HHAT: variants seen among roughly 807,000 people sequenced by gnomAD.
HHAT encodes hedgehog acyltransferase.
Under a neutral mutation model 70.8 loss-of-function variants are expected in HHAT, and 47 were observed. The observed-to-expected ratio is 0.66, with a 90% confidence interval of 0.53 to 0.85. The LOEUF is 0.85. Ranked by LOEUF, HHAT falls within the 40% of genes least tolerant of loss-of-function variation. The pLI is 0.00. For synonymous variants in HHAT, 228 were observed against 247.6 expected, an observed-to-expected ratio of 0.92 and a Z score of 0.74; for missense variants, 609 against 604.8, an observed-to-expected ratio of 1.01 and a Z score of -0.07.
At chr1:210,643,746 A>G (rs928626593) in intron 11 of HHAT, among the ~76,000 whole-genome samples, 2 of 152,092 alleles carry the variant, frequency 1.3e-5, no homozygotes, top group African/African-American at 2.4e-5. Context: ...GTTGGAAGAG[A>G]AAAAGGAACA....
intron 8 of HHAT, among the ~76,000 whole-genome samples, chr1:210,475,813 A>C (rs1043068565): frequency 5.3e-5 from 8 of 152,236 alleles, no homozygotes; most frequent in African/African-American, 1.9e-4. Context: ...GTGAGCAGCC[A>C]GACAACCACT....
At chr1:210,453,421 C>T (rs778016370) in intron 7 of HHAT, among the ~76,000 whole-genome samples, 1 of 152,174 alleles carries the variant, frequency 6.6e-6, no homozygotes, top group Non-Finnish European at 1.5e-5. Flanking sequence ...TGCATGCTTG[C>T]AGAATGGAAG....
chr1:210,526,367 G>GTTTTGTTTTGTTTTGTTTTGTTTTGTTT, intron 9 of HHAT, among the ~76,000 whole-genome samples: 1 of 142,336 alleles, frequency 7.0e-6, no homozygotes, highest in Non-Finnish European at 1.5e-5. Context: ...AGTGGGTTCT[G>GTTTTGTTTTGTTTTGTTTTGTTTTGTTT]TTTTTTTTTT....
intron 11 of HHAT, among the ~76,000 whole-genome samples, chr1:210,664,206 T>C (rs1019675170): frequency 6.6e-6 from 1 of 152,220 alleles, no homozygotes. Context: ...CATAGGCTTA[T>C]TAAGATTAAA....
At chr1:210,515,408 A>G (rs1488746975) in intron 9 of HHAT, among the ~76,000 whole-genome samples, 4 of 152,298 alleles carry the variant, frequency 2.6e-5, no homozygotes, top group Admixed American at 2.0e-4. Flanking sequence ...TCCATCTCAC[A>G]GTAATCCCAG....
chr1:210,615,999 A>G (rs917557218), intron 10 of HHAT, among the ~76,000 whole-genome samples: 3 of 152,174 alleles, frequency 2.0e-5, no homozygotes, highest in African/African-American at 7.2e-5. Context: ...ATCTTCTGCT[A>G]TACTCACGCT....
intron 10 of HHAT, among the ~76,000 whole-genome samples, chr1:210,615,146 A>G (rs1222628605): frequency 6.6e-6 from 1 of 152,034 alleles, no homozygotes; most frequent in African/African-American, 2.4e-5. Context: ...TTTCATTTGC[A>G]TTTCTCTGAT....
At chr1:210,442,005 C>A (rs1296588261) in intron 7 of HHAT, among the ~76,000 whole-genome samples, 2 of 118,356 alleles carry the variant, frequency 1.7e-5, no homozygotes, top group African/African-American at 3.2e-5. Context: ...CCCCCCTCCC[C>A]CCACCCCACA....
intron 9 of HHAT, among the ~76,000 whole-genome samples, chr1:210,548,197 A>G (rs1379969550): frequency 6.6e-6 from 1 of 152,212 alleles, no homozygotes. Flanking sequence ...TGGGGAAAGC[A>G]CCGAAGAACA....
At chr1:210,476,247 C>T (rs1018958591) in intron 8 of HHAT, among the ~76,000 whole-genome samples, 22 of 152,198 alleles carry the variant, frequency 1.4e-4, no homozygotes, top group African/African-American at 5.1e-4. Context: ...TTATTCTAAT[C>T]CACCTGTCTG....
At position 210,564,119 on chromosome 1, in the gene HHAT, A is replaced by ATTT. The variant is rs34490631; in HGVS notation, c.1044-23766_1044-23764dup. On this transcript the variant is annotated intron_variant, in intron 9 of 11. Coordinates refer to ENST00000261458, the MANE Select transcript of HHAT (RefSeq NM_018194.6). ...CAGGAACGTACCACCATGCCCAACT[A>ATTT]TTTTTTTTTTTTTTTGTATTTTTAG... 3.1e-3 allele frequency among the ~76,000 whole-genome samples: 445 copies of ATTT among 143,024 alleles called. 2 individuals carry two copies. The highest frequency in any genetic ancestry group is 0.01 in the African/African-American group (403 of 38,724). The allele number at this position is 143,024 out of a possible 152,430, so 93.8% of individuals were successfully genotyped here.
At chr1:210,630,552 G>A (rs1366818159) in intron 11 of HHAT, among the ~76,000 whole-genome samples, 1 of 152,198 alleles carries the variant, frequency 6.6e-6, no homozygotes, top group Non-Finnish European at 1.5e-5. Context: ...GGGTGGTGTT[G>A]AGGACTGCTG....
chr1:210,338,578 A>T (rs916747202), intron 1 of HHAT, among the ~76,000 whole-genome samples: 1 of 152,004 alleles, frequency 6.6e-6, no homozygotes, highest in Non-Finnish European at 1.5e-5. Flanking sequence ...TTATCATTTT[A>T]TAAATTCACT....
intron 11 of HHAT, among the ~76,000 whole-genome samples, chr1:210,666,473 A>ATTTTAT (rs1248555426): frequency 1.3e-5 from 2 of 151,982 alleles, no homozygotes; most frequent in Admixed American, 1.3e-4. Flanking sequence ...GTCCATCATT[A>ATTTTAT]TTTTATTTTT....
At chr1:210,375,929 G>A (rs752462215) in intron 3 of HHAT, among the ~76,000 whole-genome samples, 11 of 150,172 alleles carry the variant, frequency 7.3e-5, no homozygotes, top group Non-Finnish European at 1.0e-4. Flanking sequence ...TTGGCTCACT[G>A]CAATCTCTGC....
chr1:210,609,984 G>A (rs530301621), intron 10 of HHAT, among the ~76,000 whole-genome samples: 1 of 152,312 alleles, frequency 6.6e-6, no homozygotes, highest in South Asian at 2.1e-4. Context: ...ACGTGTGCAA[G>A]TATCTTTATA....
intron 9 of HHAT, among the ~76,000 whole-genome samples, chr1:210,586,877 C>T (rs115600701): frequency 0.011 from 1,656 of 152,322 alleles, 31 homozygotes; most frequent in African/African-American, 0.034. Context: ...ACTGTCTCTA[C>T]GTACTCAGGC....
At chr1:210,508,931 G>A (rs941814326) in intron 8 of HHAT, among the ~76,000 whole-genome samples, 5 of 152,108 alleles carry the variant, frequency 3.3e-5, no homozygotes, top group Non-Finnish European at 4.4e-5. Context: ...AACATTAGAA[G>A]CACAGTACCT....
intron 10 of HHAT, among the ~76,000 whole-genome samples, chr1:210,591,004 A>G (rs1211098617): frequency 2.0e-5 from 3 of 152,160 alleles, no homozygotes; most frequent in Non-Finnish European, 4.4e-5. Context: ...TGCAATGTTT[A>G]ATTATCACAT....
Sources: allele counts gnomAD v4.1 joint callset (sites outside exome capture counted in the v4.1 genomes callset), GRCh38; gene constraint gnomAD v4.1.1; transcripts MANE v1.5; gene names NCBI Gene and HGNC (gene_info 2026-07-23, HGNC 2026-07-21).